The following FARP1 variants were observed in gnomAD, a reference collection of about 807,000 sequenced individuals.
The protein encoded by FARP1 is FERM, ARH/RhoGEF and pleckstrin domain protein 1, also known as FERM, ARHGEF and pleckstrin domain-containing protein 1.
In FARP1, 52 loss-of-function variants were observed where a neutral mutation model predicts 128.8. That is an observed-to-expected ratio of 0.40 (90% CI 0.32 to 0.51). FARP1 has a LOEUF of 0.51. Among genes scored for constraint, FARP1 ranks in the 20% least tolerant of loss-of-function variants. The pLI, the probability that FARP1 is intolerant of heterozygous loss-of-function variation, is 0.45. For missense variants in FARP1, 1,333 were observed against 1,367.9 expected, an observed-to-expected ratio of 0.97 and a Z score of 0.40; for synonymous variants, 580 against 551.8, an observed-to-expected ratio of 1.05 and a Z score of -0.72.
chr13:98,159,957 G>A (rs572433438), intron 1 of FARP1, among the ~76,000 whole-genome samples: 2 of 152,220 alleles, frequency 1.3e-5, no homozygotes, highest in Non-Finnish European at 2.9e-5. Context: ...CATCATTTTC[G>A]GCATTGTAGT....
At chr13:98,210,429 A>T (rs1183003250) in intron 1 of FARP1, among the ~76,000 whole-genome samples, 2 of 152,036 alleles carry the variant, frequency 1.3e-5, no homozygotes, top group African/African-American at 4.8e-5. Context: ...AACCCACAGG[A>T]TGTCCTTTTA....
At chr13:98,180,289 G>A (rs1004844632) in intron 1 of FARP1, among the ~76,000 whole-genome samples, 3 of 151,948 alleles carry the variant, frequency 2.0e-5, no homozygotes, top group Admixed American at 6.6e-5. Context: ...AGAGTGGGGA[G>A]GGGCCACGTA....
rs1890284131 is a variant in FARP1, at chr13:98,391,003, A to G, written c.1088+123A>G. The G allele has an allele frequency of 7.0e-6, 5 of 711,224 alleles. No homozygotes were observed. The South Asian group carries it at 8.8e-5, about 12-fold the overall frequency. The allele number at this position is 711,224 out of a possible 1,614,324, so 44.1% of individuals were successfully genotyped here. ...CTTGATGTCCCTTGAGTTGTAAATG[A>G]TAGTCTCAGTCATCCTCAGCAAGTC... On this transcript the variant is annotated intron_variant, in intron 11 of 26. Transcript: ENST00000319562.
rs1488721267 is a variant in FARP1 at position 98,262,070 on chromosome 13, C to G, written c.171+48657C>G. ...TTACTCTGTCACCCAGGCTGGAGTG[C>G]AGTGGTGTGATCTCAGCTCACTGCA... On this transcript the variant is annotated intron_variant, in intron 2 of 26. Transcript: ENST00000319562. Among the ~76,000 whole-genome samples the G allele has an allele frequency of 1.4e-5, 2 of 141,768 alleles. 1 individual carries two copies. Among genetic ancestry groups the G allele is most frequent in the African/African-American group, 5.2e-5 (2 of 38,326 alleles). The allele number at this position is 141,768 out of a possible 152,430, so 93.0% of individuals were successfully genotyped here.
chr13:98,299,881 T>G (rs200853029), intron 2 of FARP1, among the ~76,000 whole-genome samples: 2 of 152,206 alleles, frequency 1.3e-5, no homozygotes, highest in East Asian at 3.8e-4. Flanking sequence ...GTTTTTTGTT[T>G]CTATGTTTTT....
chr13:98,365,333 C>A, intron 3 of FARP1, 62 bp from the exon 4 acceptor site: 1 of 1,303,034 alleles, frequency 7.7e-7, no homozygotes, highest in Non-Finnish European at 1.1e-6. Context: ...AACAAAATCT[C>A]AAAATACTTG....
chr13:98,438,176 T>C (rs1017379509), intron 19 of FARP1, among the ~76,000 whole-genome samples: 2 of 152,092 alleles, frequency 1.3e-5, no homozygotes, highest in Non-Finnish European at 1.5e-5. Flanking sequence ...CCGGGGAGGA[T>C]GTCACTCGGG....
intron 2 of FARP1, among the ~76,000 whole-genome samples, chr13:98,321,244 C>CT (rs5806059): frequency 0.5 from 76,218 of 151,902 alleles, 19,233 homozygotes; most frequent in South Asian, 0.57. Context: ...CCCCTGTGAC[C>CT]GAAACTGAGG....
intron 2 of FARP1, among the ~76,000 whole-genome samples, chr13:98,302,740 C>A (rs1324619750): frequency 1.3e-5 from 2 of 152,138 alleles, no homozygotes; most frequent in East Asian, 1.9e-4. Flanking sequence ...AGATTGAGGT[C>A]GATGAGGTAG....
At chr13:98,246,005 G>A (rs1275540794) in intron 2 of FARP1, among the ~76,000 whole-genome samples, 2 of 150,920 alleles carry the variant, frequency 1.3e-5, no homozygotes, top group East Asian at 1.9e-4. Flanking sequence ...TCGAATTCAT[G>A]AGCTCAGGCA....
At chr13:98,174,819 T>C (rs1317928194) in intron 1 of FARP1, among the ~76,000 whole-genome samples, 1 of 152,174 alleles carries the variant, frequency 6.6e-6, no homozygotes, top group East Asian at 1.9e-4. Context: ...GAGATACTAC[T>C]ATGTATGAGG....
intron 2 of FARP1, among the ~76,000 whole-genome samples, chr13:98,263,245 T>C (rs1218103115): frequency 3.3e-5 from 5 of 152,030 alleles, no homozygotes; most frequent in Non-Finnish European, 4.4e-5. Context: ...TGACCTCAGG[T>C]TATCTGCCCG....
chr13:98,384,095 T>C (rs956394704), intron 6 of FARP1: 1 of 150,206 alleles, frequency 6.7e-6, no homozygotes, highest in African/African-American at 2.5e-5. Context: ...CCCACATGTG[T>C]AGAATTTACT....
At chr13:98,334,046 C>T (rs1434837213) in intron 2 of FARP1, 2 of 152,262 alleles carry the variant, frequency 1.3e-5, no homozygotes, top group Non-Finnish European at 1.5e-5. Context: ...TATACTAAGT[C>T]GCTTAATCCT....
chr13:98,242,736 A>T (rs1446852407), intron 2 of FARP1, among the ~76,000 whole-genome samples: 1 of 152,242 alleles, frequency 6.6e-6, no homozygotes, highest in Non-Finnish European at 1.5e-5. Flanking sequence ...AAAACATAGT[A>T]AAAAATTATT....
chr13:98,168,016 G>C (rs112375396), intron 1 of FARP1, among the ~76,000 whole-genome samples: 5,429 of 151,616 alleles, frequency 0.036, 295 homozygotes, highest in African/African-American at 0.12. Context: ...ACTAAAAATA[G>C]AAAAAATTAG....
Position 98,379,158 on chromosome 13 carries a change from A to G in FARP1, c.496+1240A>G, listed in dbSNP as rs1405936594. On this transcript the variant is annotated intron_variant, in intron 6 of 26. Coordinates refer to ENST00000319562, the MANE Select transcript of FARP1 (RefSeq NM_005766.4). ...AATATATAATCTATATATAATATAT[A>G]TATAATATATAATCTATATATAATA... is the stretch of plus-strand genomic sequence containing the variant. Among the ~76,000 whole-genome samples, 3 of 118,644 alleles carry G rather than the reference A, an allele frequency of 2.5e-5. No homozygotes were observed. In the East Asian group the frequency reaches 6.4e-4, roughly 25 times the overall value. 77.8% of individuals were successfully genotyped at this position (118,644 alleles called of 152,430 possible). A position where few individuals can be genotyped will look rare whatever the true frequency, so the allele number is the denominator to read the frequency against.
chr13:98,322,583 G>A (rs1887045378), intron 2 of FARP1, among the ~76,000 whole-genome samples: 1 of 151,966 alleles, frequency 6.6e-6, no homozygotes, highest in Non-Finnish European at 1.5e-5. Flanking sequence ...GCCGAGTACA[G>A]TTCTGACTGC....
At chr13:98,275,731 G>T (rs182128874) in intron 2 of FARP1, among the ~76,000 whole-genome samples, 17 of 151,132 alleles carry the variant, frequency 1.1e-4, no homozygotes, top group Admixed American at 1.1e-3. Context: ...GGTTGACATT[G>T]GTGGCTAAGC....
Sources: gnomAD v4.1 joint callset for allele counts (sites outside exome capture counted in the v4.1 genomes callset) on GRCh38, gnomAD v4.1.1 for gene constraint, MANE v1.5 for transcripts, NCBI Gene and HGNC (gene_info 2026-07-23, HGNC 2026-07-21) for gene names.